Variants in COL5A2 observed in about 807,000 individuals in gnomAD.
The protein encoded by COL5A2 is collagen type V alpha 2 chain, also known as collagen alpha-2(V) chain.
Under a neutral mutation model 208.2 loss-of-function variants are expected in COL5A2, and 23 were observed. The observed-to-expected ratio is 0.11, with a 90% CI of 0.08 to 0.16. The LOEUF is 0.16. Ranked by LOEUF, COL5A2 falls within the 10% of genes least tolerant of loss-of-function variation. COL5A2 has a pLI of 1.00. For synonymous variants in COL5A2, 625 were observed against 628.5 expected (o/e 0.99, Z 0.08); for missense variants, 1,590 against 1,956.4 (o/e 0.81, Z 3.53).
At chr2:189,075,336 C>T in intron 17 of COL5A2, 57 bp downstream of exon 17, 2 of 1,283,044 alleles carry the variant, frequency 1.6e-6, no homozygotes, top group Non-Finnish European at 2.3e-6. Flanking sequence ...TTTGAATGTA[C>T]AAATGGAAGA....
rs1298506015 is a variant in COL5A2, at chr2:189,061,695, C to T, written c.1978-80G>A. On this transcript the variant is annotated intron_variant, in intron 29 of 53. Transcript: ENST00000374866. ...CTCTCTACGTGAACCACTAGAAGTA[C>T]TGATATTTATTTGTATTTCTTCCAA... The T allele has an allele frequency of 7.8e-6, 8 of 1,031,898 alleles. No individual in the cohort carries two copies. In the East Asian group the frequency reaches 1.9e-4, roughly 25 times the overall value. 63.9% of individuals were successfully genotyped at this position (1,031,898 alleles called of 1,614,324 possible).
the COL5A2 span, among the ~76,000 whole-genome samples, chr2:189,312,337 C>T: frequency 2.3e-4 from 35 of 152,212 alleles, no homozygotes; most frequent in Admixed American, 3.9e-4. Flanking sequence ...AGACCCCTGG[C>T]CATTCCCATG....
At chr2:189,268,790 A>G in the COL5A2 span, among the ~76,000 whole-genome samples, 2 of 152,096 alleles carry the variant, frequency 1.3e-5, no homozygotes, top group African/African-American at 4.8e-5. Context: ...CTCTTACATA[A>G]AGCTACATAT....
chr2:189,158,652 C>G (rs183501841), intron 1 of COL5A2, among the ~76,000 whole-genome samples: 192 of 152,108 alleles, frequency 1.3e-3, no homozygotes, highest in Admixed American at 4.6e-3. Flanking sequence ...TTTCTTCATC[C>G]TTCCTTGGAT....
At chr2:189,137,576 T>C (rs534222526) in intron 1 of COL5A2, among the ~76,000 whole-genome samples, 1 of 152,354 alleles carries the variant, frequency 6.6e-6, no homozygotes, top group Non-Finnish European at 1.5e-5. Context: ...CTTTTTCTTA[T>C]CTTATTAATT....
chr2:189,085,135 T>TG (rs748351242), intron 11 of COL5A2, 25 bp downstream of exon 11: 1 of 1,605,742 alleles, frequency 6.2e-7, no homozygotes, highest in Admixed American at 1.7e-5. Flanking sequence ...AAAACCTGAA[T>TG]GGAAAATGAG....
At chr2:189,285,358 A>G in the COL5A2 span, among the ~76,000 whole-genome samples, 1 of 151,964 alleles carries the variant, frequency 6.6e-6, no homozygotes, top group Non-Finnish European at 1.5e-5. Context: ...ATACCTAAAC[A>G]TTGCTCCTAA....
intron 1 of COL5A2, among the ~76,000 whole-genome samples, chr2:189,150,842 A>AT (rs1266603345): frequency 6.6e-6 from 1 of 152,178 alleles, no homozygotes; most frequent in African/African-American, 2.4e-5. Flanking sequence ...TATAGCATCC[A>AT]TAAGTGGCTG....
chr2:189,048,192 A>T lies in COL5A2; in HGVS notation c.3201+17T>A, dbSNP rs761784355. 8.1e-6 allele frequency: 13 copies of T among 1,611,380 alleles called. No individual in the cohort carries two copies. In the Admixed American group the frequency reaches 2.0e-4, roughly 25 times the overall value. Reference sequence around the variant, plus strand: ...TTGCATGACTTTAGATTTTATAATAAGTGAAATGGCTCTTACACGTTCTCC... The same window carrying T: ...TTGCATGACTTTAGATTTTATAATATGTGAAATGGCTCTTACACGTTCTCC... On this transcript the variant is annotated intron_variant, in intron 45 of 53. Coordinates refer to ENST00000374866, the MANE Select transcript of COL5A2 (RefSeq NM_000393.5).
chr2:189,034,288 C>T, intron 53 of COL5A2, 72 bp from the exon 54 acceptor site: 2 of 1,523,714 alleles, frequency 1.3e-6, no homozygotes. Flanking sequence ...GCAACCTTCC[C>T]AGACACTTTT....
the COL5A2 span, among the ~76,000 whole-genome samples, chr2:189,301,952 G>A: frequency 8.6e-5 from 13 of 151,992 alleles, no homozygotes; most frequent in South Asian, 2.1e-4. Context: ...CAGAACATAC[G>A]TAGTGATTTA....
chr2:189,380,359 A>C, the COL5A2 span, among the ~76,000 whole-genome samples: 2 of 151,994 alleles, frequency 1.3e-5, no homozygotes, highest in Non-Finnish European at 2.9e-5. Flanking sequence ...TTAAGCTAAA[A>C]TATTTTAAGC....
Position 189,115,407 on chromosome 2 carries a change from G to GAAA in COL5A2, c.98-4961_98-4959dup, listed in dbSNP as rs35939845. Reference sequence around the variant, plus strand: ...TTTTCACACAATTACACCTGTGGGGGAAAAAAAAAAAGCCTGCATAGAAAC... The same window carrying GAAA: ...TTTTCACACAATTACACCTGTGGGGGAAAAAAAAAAAAAAGCCTGCATAGAAAC... On this transcript the variant is annotated intron_variant, in intron 1 of 53. Transcript: ENST00000374866. Among the ~76,000 whole-genome samples, 160 of 142,694 alleles carry GAAA rather than the reference G, an allele frequency of 1.1e-3. 1 individual carries two copies. The highest frequency in any genetic ancestry group is 1.9e-3 in the Non-Finnish European group (121 of 64,936). The allele number at this position is 142,694 out of a possible 152,430, so 93.6% of individuals were successfully genotyped here.
At chr2:189,256,135 G>C in the COL5A2 span, among the ~76,000 whole-genome samples, 2 of 152,152 alleles carry the variant, frequency 1.3e-5, no homozygotes, top group Non-Finnish European at 2.9e-5. Flanking sequence ...ATTTAGTCTT[G>C]CCTTCCTATA....
upstream of COL5A2, among the ~76,000 whole-genome samples, chr2:189,181,984 C>T (rs1688787697): frequency 6.6e-6 from 1 of 152,128 alleles, no homozygotes; most frequent in Non-Finnish European, 1.5e-5. Context: ...CCATATTGTC[C>T]TTGTGAACTC....
At chr2:189,115,403 G>A (rs1439101681) in intron 1 of COL5A2, among the ~76,000 whole-genome samples, 1 of 143,392 alleles carries the variant, frequency 7.0e-6, no homozygotes, top group Non-Finnish European at 1.5e-5. Context: ...TTACACCTGT[G>A]GGGGAAAAAA....
chr2:189,221,743 T>C (rs964126523), intron 1 of COL5A2, among the ~76,000 whole-genome samples: 1 of 152,116 alleles, frequency 6.6e-6, no homozygotes, highest in Admixed American at 6.6e-5. Flanking sequence ...ATAGATCATG[T>C]CCCTAAGAAA....
chr2:189,209,537 C>A (rs893298648), intron 1 of COL5A2, among the ~76,000 whole-genome samples: 3 of 152,038 alleles, frequency 2.0e-5, no homozygotes, highest in Admixed American at 6.6e-5. Context: ...AGTAATGAGC[C>A]CCAGGTCACA....
the COL5A2 span, among the ~76,000 whole-genome samples, chr2:189,431,673 G>A: frequency 6.6e-6 from 1 of 152,242 alleles, no homozygotes; most frequent in African/African-American, 2.4e-5. Flanking sequence ...AACGAACAAA[G>A]CCTCCAAGAA....
Sources: allele counts gnomAD v4.1 joint callset (sites outside exome capture counted in the v4.1 genomes callset), GRCh38; gene constraint gnomAD v4.1.1; transcripts MANE v1.5; gene names NCBI Gene and HGNC (gene_info 2026-07-23, HGNC 2026-07-21).